The following CTNNA3 variants were observed in gnomAD, a reference collection of about 807,000 sequenced individuals.
CTNNA3 encodes catenin alpha 3.
In CTNNA3, 76 loss-of-function variants were observed where a neutral mutation model predicts 95.7. The ratio of observed to expected loss-of-function variants is 0.79; its 90% CI spans 0.66 to 0.96. The LOEUF (loss-of-function observed/expected upper bound fraction) is 0.96, where lower values mean the gene tolerates loss of function less well. Among genes scored for constraint, CTNNA3 ranks in the 40% least tolerant of loss-of-function variants. The probability of loss-of-function intolerance (pLI) is 0.00; values close to 1 mark genes in which losing one functional copy is unlikely to be tolerated. For synonymous variants in CTNNA3, 431 were observed against 374.4 expected, an observed-to-expected ratio of 1.15 and a Z score of -1.74; for missense variants, 1,191 against 1,089.8, an observed-to-expected ratio of 1.09 and a Z score of -1.31.
chr10:66,234,986 T>C (rs2089779617), intron 13 of CTNNA3, among the ~76,000 whole-genome samples: 1 of 152,222 alleles, frequency 6.6e-6, no homozygotes, highest in African/African-American at 2.4e-5. Context: ...GTAGTCTCTG[T>C]CCAACAATCA....
At chr10:67,397,287 G>T (rs1359877013) in intron 5 of CTNNA3, among the ~76,000 whole-genome samples, 2 of 152,164 alleles carry the variant, frequency 1.3e-5, no homozygotes, top group Non-Finnish European at 2.9e-5. Flanking sequence ...TGACCAAAAT[G>T]CTGATAGTGA....
intron 4 of CTNNA3, among the ~76,000 whole-genome samples, chr10:67,534,473 C>A (rs1362764262): frequency 6.6e-6 from 1 of 151,976 alleles, no homozygotes; most frequent in East Asian, 1.9e-4. Context: ...GGGAAAGTAG[C>A]TAGAGAAAAA....
At chr10:67,468,639 T>C (rs1215794801) in intron 5 of CTNNA3, among the ~76,000 whole-genome samples, 1 of 152,138 alleles carries the variant, frequency 6.6e-6, no homozygotes, top group Non-Finnish European at 1.5e-5. Context: ...AAGTGATATA[T>C]GCCGTTTTCT....
At chr10:67,195,793 T>C (rs1863338047) in intron 6 of CTNNA3, among the ~76,000 whole-genome samples, 1 of 152,072 alleles carries the variant, frequency 6.6e-6, no homozygotes, top group African/African-American at 2.4e-5. Flanking sequence ...ACAAAATCAA[T>C]ATTTTGGTTG....
At chr10:67,321,317 T>C (rs1038381909) in intron 5 of CTNNA3, among the ~76,000 whole-genome samples, 1 of 152,198 alleles carries the variant, frequency 6.6e-6, no homozygotes, top group African/African-American at 2.4e-5. Context: ...TTCTAACTTC[T>C]TTACACACTG....
intron 5 of CTNNA3, among the ~76,000 whole-genome samples, chr10:67,237,409 T>C (rs1865535982): frequency 6.6e-6 from 1 of 151,038 alleles, no homozygotes; most frequent in Non-Finnish European, 1.5e-5. Flanking sequence ...GGGGAAGGGA[T>C]AAAAGACTAT....
At chr10:66,658,280 T>C (rs1453853876) in intron 9 of CTNNA3, among the ~76,000 whole-genome samples, 1 of 151,718 alleles carries the variant, frequency 6.6e-6, no homozygotes, top group Non-Finnish European at 1.5e-5. Flanking sequence ...ATTTCTTCAT[T>C]TGAAAATGAA....
intron 7 of CTNNA3, among the ~76,000 whole-genome samples, chr10:66,834,881 G>C (rs1048700166): frequency 6.6e-5 from 10 of 152,092 alleles, no homozygotes; most frequent in Non-Finnish European, 1.2e-4. Context: ...ATGCAACTCA[G>C]GTGCATTAAG....
intron 13 of CTNNA3, among the ~76,000 whole-genome samples, chr10:66,109,056 C>T (rs1184370754): frequency 1.3e-5 from 2 of 152,070 alleles, no homozygotes; most frequent in Non-Finnish European, 2.9e-5. Flanking sequence ...ACTAACTTGC[C>T]CTACTCCTTG....
rs1437563245 is a variant in CTNNA3 at position 66,978,541 on chromosome 10, A to AT, written c.1047+201775_1047+201776insA. Among the ~76,000 whole-genome samples, 310 of 111,084 alleles carry AT rather than the reference A, an allele frequency of 2.8e-3. 18 individuals carry two copies. Among genetic ancestry groups the AT allele is most frequent in the Middle Eastern group, 0.01 (2 of 196 alleles). The allele number at this position is 111,084 out of a possible 152,430, so 72.9% of individuals were successfully genotyped here. ...GACTCCATCTCAAAAAAAAAAAAAA[A>AT]AAAAAAAAAAAATATATATATATAT... On this transcript the variant is annotated intron_variant, in intron 7 of 17. Transcript: ENST00000433211.
At chr10:66,508,737 T>G (rs1307129107) in intron 11 of CTNNA3, among the ~76,000 whole-genome samples, 2 of 152,182 alleles carry the variant, frequency 1.3e-5, no homozygotes. Flanking sequence ...TATGGCTGAC[T>G]AGTATTCCAT....
chr10:66,089,346 C>A (rs1478234861), intron 14 of CTNNA3, among the ~76,000 whole-genome samples: 1 of 151,470 alleles, frequency 6.6e-6, no homozygotes, highest in Non-Finnish European at 1.5e-5. Context: ...CTCTTTCTTT[C>A]TCCCTCCCTT....
At chr10:66,690,309 T>C (rs1272186738) in intron 9 of CTNNA3, among the ~76,000 whole-genome samples, 1 of 152,074 alleles carries the variant, frequency 6.6e-6, no homozygotes, top group Non-Finnish European at 1.5e-5. Context: ...ATATGTCACG[T>C]CTTTTAATTT....
intron 7 of CTNNA3, among the ~76,000 whole-genome samples, chr10:67,040,733 G>A (rs1282113266): frequency 3.9e-5 from 6 of 151,996 alleles, no homozygotes; most frequent in Non-Finnish European, 8.8e-5. Flanking sequence ...TAACCAAGAT[G>A]TCAGGAAAAA....
intron 11 of CTNNA3, among the ~76,000 whole-genome samples, chr10:66,510,160 G>GTAGGAT (rs1424208914): frequency 6.6e-6 from 1 of 151,854 alleles, no homozygotes; most frequent in East Asian, 1.9e-4. Flanking sequence ...GCTACTGCAA[G>GTAGGAT]TAGGATTGCA....
rs184382289 is a variant in CTNNA3, at chr10:66,077,998, C to G, written c.1978-8509G>C. On this transcript the variant is annotated intron_variant, in intron 14 of 17. Transcript: ENST00000433211. ...TATTCCCAACAGTGAGGACCAACCC[C>G]AGGACTTCAGTGACCTCATCACTGA... 2.6e-3 allele frequency among the ~76,000 whole-genome samples: 389 copies of G among 151,834 alleles called. 6 individuals are homozygous for G. Among genetic ancestry groups the G allele is most frequent in the African/African-American group, 9.1e-3 (376 of 41,504 alleles).
At chr10:67,728,295 A>C (rs1841255585) in intron 1 of CTNNA3, among the ~76,000 whole-genome samples, 2 of 149,142 alleles carry the variant, frequency 1.3e-5, no homozygotes, top group East Asian at 3.9e-4. Flanking sequence ...CTCCACAAAA[A>C]TACAAAAATT....
intron 13 of CTNNA3, among the ~76,000 whole-genome samples, chr10:66,186,927 A>G (rs1418617768): frequency 3.3e-5 from 5 of 152,298 alleles, no homozygotes; most frequent in Non-Finnish European, 7.4e-5. Context: ...TAATCGCTGA[A>G]TCTTGGTAAA....
At chr10:66,237,940 C>T (rs1353693702) in intron 13 of CTNNA3, among the ~76,000 whole-genome samples, 1 of 151,924 alleles carries the variant, frequency 6.6e-6, no homozygotes, top group Non-Finnish European at 1.5e-5. Flanking sequence ...TTATTCTATG[C>T]ATTTTCAAAT....
Sources: gnomAD v4.1 joint callset for allele counts (sites outside exome capture counted in the v4.1 genomes callset) on GRCh38, gnomAD v4.1.1 for gene constraint, MANE v1.5 for transcripts, NCBI Gene and HGNC (gene_info 2026-07-23, HGNC 2026-07-21) for gene names.